Variants in COLQ observed in about 807,000 individuals in gnomAD.
The protein encoded by COLQ is acetylcholinesterase collagenic tail peptide.
A neutral mutation model predicts 69.0 loss-of-function variants in COLQ; 48 were observed. The ratio of observed to expected loss-of-function variants is 0.70; its 90% CI spans 0.55 to 0.88. The LOEUF (loss-of-function observed/expected upper bound fraction) is 0.88, where lower values mean the gene tolerates loss of function less well. Ranked by LOEUF, COLQ falls within the 40% of genes least tolerant of loss-of-function variation. COLQ has a pLI of 0.00. For synonymous variants in COLQ, 217 were observed against 211.2 expected, an observed-to-expected ratio of 1.03 and a Z score of -0.24; for missense variants, 618 against 594.6, an observed-to-expected ratio of 1.04 and a Z score of -0.41.
intron 13 of COLQ, among the ~76,000 whole-genome samples, chr3:15,457,287 CCAATAAG>C (rs2062039159): frequency 6.6e-6 from 1 of 151,570 alleles, no homozygotes; most frequent in Non-Finnish European, 1.5e-5. Context: ...TTGGGGGTGG[CCAATAAG>C]CAATAGGTTG....
intron 6 of COLQ, 111 bp downstream of exon 6, chr3:15,477,015 C>A: frequency 9.4e-7 from 1 of 1,059,684 alleles, no homozygotes. Flanking sequence ...TCTTCTTCTT[C>A]CCCCTCTTGA....
At position 15,450,613 on chromosome 3, in the gene COLQ, C is replaced by T. The variant is rs2061927719; in HGVS notation, c.*1031G>A. On this transcript the variant is annotated 3_prime_UTR_variant, in exon 17 of 17. Transcript: ENST00000383788. ...AGCTCAGGCACACAGGAGGACAAGG[C>T]TATGCAATATGCAGACATGAAAGAA... 1.3e-5 allele frequency: 2 copies of T among 153,710 alleles called. No homozygotes were observed. The highest frequency in any genetic ancestry group is 1.3e-4 in the Admixed American group (2 of 15,286). 9.5% of individuals were successfully genotyped at this position (153,710 alleles called of 1,614,324 possible). A position where few individuals can be genotyped will look rare whatever the true frequency, so the allele number is the denominator to read the frequency against.
intron 1 of COLQ, among the ~76,000 whole-genome samples, chr3:15,520,807 T>C (rs2063125880): frequency 6.6e-6 from 1 of 152,018 alleles, no homozygotes; most frequent in Non-Finnish European, 1.5e-5. Context: ...CTTCCCCAAA[T>C]CTCCCAGCCT....
intron 5 of COLQ, chr3:15,478,770 G>T: frequency 1.5e-6 from 1 of 655,532 alleles, no homozygotes; most frequent in Non-Finnish European, 2.7e-6. Flanking sequence ...TGAATGCCTG[G>T]CAGTAGCAGG....
intron 1 of COLQ, among the ~76,000 whole-genome samples, chr3:15,520,318 C>A (rs950826347): frequency 2.0e-5 from 3 of 152,226 alleles, no homozygotes; most frequent in African/African-American, 7.2e-5. Context: ...CTGCCCCCAC[C>A]TCCTTCTGTT....
At chr3:15,474,445 G>A (rs111719135) in intron 8 of COLQ, among the ~76,000 whole-genome samples, 173 bp from the exon 9 acceptor site, 9 of 152,342 alleles carry the variant, frequency 5.9e-5, no homozygotes, top group African/African-American at 1.9e-4. Flanking sequence ...TCTACTTCTT[G>A]TTGAACCCCA....
At chr3:15,489,726 AC>A in intron 1 of COLQ, 89 bp from the exon 2 acceptor site, 2 of 1,092,818 alleles carry the variant, frequency 1.8e-6, no homozygotes, top group Non-Finnish European at 2.7e-6. Flanking sequence ...CCATCCTGCC[AC>A]CCCAGACTTC....
intron 10 of COLQ, 85 bp from the exon 11 acceptor site, chr3:15,470,701 C>A (rs1001356957): frequency 1.1e-5 from 13 of 1,227,176 alleles, no homozygotes; most frequent in Admixed American, 1.7e-5. Context: ...TCATTGGCTA[C>A]GAGGGCAGTC....
Position 15,466,389 on chromosome 3 carries a change from G to A in COLQ, c.766C>T (p.Pro256Ser). 6.2e-7 allele frequency: 1 copy of A among 1,614,150 alleles called. No homozygotes were observed. Among genetic ancestry groups the A allele is most frequent in the Non-Finnish European group, 8.5e-7 (1 of 1,180,046 alleles). The change falls in exon 12 of 17, where the codon CCT becomes TCT. Residue 256 changes from proline (P) to serine (S), a missense_variant. Pro to Ser is a moderately conservative substitution (Grantham distance 74, BLOSUM62 -1). Coordinates refer to ENST00000383788, the MANE Select transcript of COLQ (RefSeq NM_005677.4). ...CCCGGACGGCCAGGTTGACCAGAAG[G>A]CCCAGGCTTGCCTGGTGGGCCCATA... Reference protein sequence around the residue: ...GVMGPPGKPGPSGQPGRPGPP... With the variant: ...GVMGPPGKPGSSGQPGRPGPP...
At chr3:15,510,174 TAA>T (rs747127611) in intron 1 of COLQ, among the ~76,000 whole-genome samples, 7 of 136,992 alleles carry the variant, frequency 5.1e-5, no homozygotes, top group Non-Finnish European at 6.4e-5. Context: ...AGACTCTGTC[TAA>T]AAAAAAAAAA....
Position 15,490,030 on chromosome 3 carries a change from T to A in COLQ, c.107-393A>T, listed in dbSNP as rs75034623. 6.2e-3 allele frequency among the ~76,000 whole-genome samples: 950 copies of A among 152,318 alleles called. 6 individuals are homozygous for A. The highest frequency in any genetic ancestry group is 0.022 in the African/African-American group (901 of 41,560). Reference sequence around the variant, plus strand: ...TTTAATATTGTACTCAGAAGGAAATTGTTTAGACAGGGAGGCAGCCAGGGC... The same window carrying A: ...TTTAATATTGTACTCAGAAGGAAATAGTTTAGACAGGGAGGCAGCCAGGGC... On this transcript the variant is annotated intron_variant, in intron 1 of 16. Coordinates refer to ENST00000383788, the MANE Select transcript of COLQ (RefSeq NM_005677.4).
At chr3:15,498,112 C>T (rs775199279) in intron 1 of COLQ, among the ~76,000 whole-genome samples, 1 of 152,086 alleles carries the variant, frequency 6.6e-6, no homozygotes, top group Admixed American at 6.5e-5. Context: ...AGCCACCCAA[C>T]GCCAGCGGGG....
At chr3:15,500,402 T>G (rs2062814814) in intron 1 of COLQ, among the ~76,000 whole-genome samples, 1 of 152,228 alleles carries the variant, frequency 6.6e-6, no homozygotes, top group Non-Finnish European at 1.5e-5. Flanking sequence ...TTCGCAAACC[T>G]TCAGAGATGG....
rs10546993 is a variant in COLQ, at chr3:15,510,858, A to AGAAGGAAGGAAGGAAG, written c.106+10646_106+10661dup. Among the ~76,000 whole-genome samples, 6 of 146,714 alleles carry AGAAGGAAGGAAGGAAG rather than the reference A, an allele frequency of 4.1e-5. No individual in the cohort carries two copies. In the East Asian group the frequency reaches 1.0e-3, roughly 25 times the overall value. ...AGGAAGGGAGGGAGAGAGGAAGGAA[A>AGAAGGAAGGAAGGAAG]GAAGGAAGGAAGGAAGGAAGGAAGG... On this transcript the variant is annotated intron_variant, in intron 1 of 16. Coordinates refer to ENST00000383788, the MANE Select transcript of COLQ (RefSeq NM_005677.4).
intron 12 of COLQ, among the ~76,000 whole-genome samples, chr3:15,460,555 A>G (rs1265830969): frequency 6.6e-6 from 1 of 152,224 alleles, no homozygotes; most frequent in Non-Finnish European, 1.5e-5. Flanking sequence ...AAATGACCCC[A>G]GGGGAGAGAT....
chr3:15,497,969 A>T (rs1243212394), intron 1 of COLQ, among the ~76,000 whole-genome samples: 1 of 152,230 alleles, frequency 6.6e-6, no homozygotes, highest in Non-Finnish European at 1.5e-5. Flanking sequence ...AGAACATGGT[A>T]GAGTTTGCCT....
chr3:15,459,899 C>T (rs1181963523), intron 12 of COLQ, among the ~76,000 whole-genome samples: 1 of 152,040 alleles, frequency 6.6e-6, no homozygotes, highest in Non-Finnish European at 1.5e-5. Context: ...TTTAAAAGCT[C>T]TCAAGATGAT....
intron 12 of COLQ, among the ~76,000 whole-genome samples, chr3:15,465,433 A>AT (rs1357770179): frequency 2.0e-5 from 3 of 147,578 alleles, no homozygotes; most frequent in Middle Eastern, 3.7e-3. Flanking sequence ...CGCCCGGCTA[A>AT]TTTTTTGTAT....
At position 15,456,579 on chromosome 3, in the gene COLQ, T is replaced by A; in HGVS notation, c.955A>T (p.Ile319Phe). ...TCCTCCTGGTTGTTGACCACAAAAATCTGCCAGAGAACACACTGGTGAGGA... is the reference window on the plus strand; with the variant it reads ...TCCTCCTGGTTGTTGACCACAAAAAACTGCCAGAGAACACACTGGTGAGGA... Reference protein sequence around the residue: ...YGPSSPRVPVIFVVNNQEELE... With the variant: ...YGPSSPRVPVFFVVNNQEELE... Residue 319 changes from isoleucine (I) to phenylalanine (F), a missense_variant and splice_region_variant, in exon 14 of 17, where the codon ATT becomes TTT. Ile to Phe is a conservative substitution (Grantham distance 21). Coordinates refer to ENST00000383788, the MANE Select transcript of COLQ (RefSeq NM_005677.4). 6.2e-7 allele frequency: 1 copy of A among 1,613,978 alleles called. No homozygotes were observed. The highest frequency in any genetic ancestry group is 8.5e-7 in the Non-Finnish European group (1 of 1,180,006).
Sources: gnomAD v4.1 joint callset for allele counts (sites outside exome capture counted in the v4.1 genomes callset) on GRCh38, gnomAD v4.1.1 for gene constraint, MANE v1.5 for transcripts, NCBI Gene and HGNC (gene_info 2026-07-23, HGNC 2026-07-21) for gene names.